Variants in PREX1 observed in about 807,000 individuals in gnomAD.
The protein encoded by PREX1 is phosphatidylinositol 3,4,5-trisphosphate-dependent Rac exchanger 1 protein.
PREX1 carries 41 observed loss-of-function variants against 198.3 expected under a neutral mutation model. The ratio of observed to expected loss-of-function variants is 0.21; its 90% confidence interval spans 0.16 to 0.27. The LOEUF is 0.27. PREX1 is among the 10% of genes least tolerant of loss of function. The pLI is 1.00. For synonymous variants in PREX1, 843 were observed against 887.2 expected (o/e 0.95, Z 0.89); for missense variants, 1,620 against 2,200.7 (o/e 0.74, Z 5.28).
the PREX1 span, among the ~76,000 whole-genome samples, chr20:48,845,702 CAAAAAAAA>C: frequency 2.9e-5 from 3 of 103,036 alleles, no homozygotes; most frequent in East Asian, 3.2e-4. Flanking sequence ...ACCTTGTTTC[CAAAAAAAA>C]AAAAAAAAAA....
chr20:48,634,503 A>G (rs902844024), intron 33 of PREX1, among the ~76,000 whole-genome samples, 173 bp downstream of exon 33: 2 of 152,184 alleles, frequency 1.3e-5, no homozygotes, highest in Admixed American at 6.5e-5. Context: ...TGTGTGCCCC[A>G]AAGTTCGGCT....
intron 1 of PREX1, among the ~76,000 whole-genome samples, chr20:48,763,124 G>A (rs1399705485): frequency 6.6e-5 from 10 of 152,260 alleles, no homozygotes; most frequent in Non-Finnish European, 1.0e-4. Flanking sequence ...ATGGTGGTAC[G>A]TGAATTATAT....
chr20:48,630,231 C>T (rs1436774485), intron 36 of PREX1, among the ~76,000 whole-genome samples: 2 of 152,324 alleles, frequency 1.3e-5, no homozygotes, highest in African/African-American at 4.8e-5. Context: ...AGGCAAGGAG[C>T]CCAAGGAGCC....
chr20:48,802,156 C>T (rs954697397), intron 1 of PREX1, among the ~76,000 whole-genome samples: 1 of 152,120 alleles, frequency 6.6e-6, no homozygotes, highest in African/African-American at 2.4e-5. Flanking sequence ...CCCGCCAAAC[C>T]ATCTACTTTC....
chr20:48,774,761 C>G (rs1203824122), intron 1 of PREX1, among the ~76,000 whole-genome samples: 2 of 152,248 alleles, frequency 1.3e-5, no homozygotes, highest in African/African-American at 4.8e-5. Flanking sequence ...AAACCACTGG[C>G]TGAGGCCACA....
At position 48,681,088 on chromosome 20, in the gene PREX1, T is replaced by A. The variant is rs149540031; in HGVS notation, c.1435+147A>T. Reference sequence around the variant, plus strand: ...CCTAAGAGGCAGTTTTACAAGGGCATCCATGTTCCTGCGGGCCACACTGTG... The same window carrying A: ...CCTAAGAGGCAGTTTTACAAGGGCAACCATGTTCCTGCGGGCCACACTGTG... On this transcript the variant is annotated intron_variant, in intron 11 of 39. Transcript: ENST00000371941. The A allele has an allele frequency of 5.1e-4, 371 of 727,182 alleles. 4 individuals are homozygous for A. The East Asian group carries it at 8.6e-3, about 17-fold the overall frequency. 45.0% of individuals were successfully genotyped at this position (727,182 alleles called of 1,614,324 possible). A position where few individuals can be genotyped will look rare whatever the true frequency, so the allele number is the denominator to read the frequency against.
At chr20:48,633,053 T>C (rs4810846) in intron 33 of PREX1, among the ~76,000 whole-genome samples, 61,948 of 152,010 alleles carry the variant, frequency 0.41, 12,747 homozygotes, top group Middle Eastern at 0.53. Context: ...TCAAACAGGG[T>C]ATACATCTGA....
At chr20:48,776,979 G>T (rs566276696) in intron 1 of PREX1, among the ~76,000 whole-genome samples, 2 of 152,114 alleles carry the variant, frequency 1.3e-5, no homozygotes, top group African/African-American at 4.8e-5. Flanking sequence ...AACACCCTGC[G>T]ATGTGCGAAA....
At chr20:48,721,769 C>T (rs916363706) in intron 5 of PREX1, among the ~76,000 whole-genome samples, 2 of 152,096 alleles carry the variant, frequency 1.3e-5, no homozygotes, top group African/African-American at 2.4e-5. Context: ...CCGCTGGGGC[C>T]GTGGCAGTGT....
In PREX1 at chr20:48,745,098, A is replaced by G. The variant is rs2090101649; in HGVS notation, c.341T>C (p.Leu114Ser). Residue 114 changes from leucine (L) to serine (S), a missense_variant, in exon 3 of 40, where the codon TTG becomes TCG. Leu to Ser is a moderately radical substitution (Grantham distance 145). Transcript: ENST00000371941. Reference sequence around the variant, plus strand: ...GTGTAAACAATACTCCAAGGCGGCCAAGAAATCCTTATGAACTTCCAGGAT... The same window carrying G: ...GTGTAAACAATACTCCAAGGCGGCCGAGAAATCCTTATGAACTTCCAGGAT... ...EDILEVHKDF[L>S]AALEYCLHPE... 5 of 1,614,218 alleles carry G rather than the reference A, an allele frequency of 3.1e-6. No homozygotes were observed. The highest frequency in any genetic ancestry group is 4.2e-6 in the Non-Finnish European group (5 of 1,180,026).
chr20:48,709,693 G>A (rs915384882), intron 5 of PREX1, among the ~76,000 whole-genome samples: 2 of 152,192 alleles, frequency 1.3e-5, no homozygotes, highest in Non-Finnish European at 2.9e-5. Context: ...CATGGTTGTG[G>A]TAAGCAATAA....
chr20:48,670,136 AC>A (rs34804122), intron 14 of PREX1, among the ~76,000 whole-genome samples: 3 of 151,944 alleles, frequency 2.0e-5, no homozygotes, highest in Non-Finnish European at 2.9e-5. Context: ...AGAGCTGGAC[AC>A]CCCCCGCCAC....
At chr20:48,660,983 T>G (rs1289069835) in intron 15 of PREX1, among the ~76,000 whole-genome samples, 3 of 152,238 alleles carry the variant, frequency 2.0e-5, no homozygotes, top group Admixed American at 6.5e-5. Context: ...AAAGTTTTAT[T>G]GGCACACAGC....
intron 5 of PREX1, among the ~76,000 whole-genome samples, chr20:48,723,978 G>C (rs985340106): frequency 6.6e-6 from 1 of 152,198 alleles, no homozygotes; most frequent in South Asian, 2.1e-4. Context: ...ATGGCTGCTG[G>C]TTCTTCTTAT....
chr20:48,753,018 G>A (rs998472927), intron 1 of PREX1, among the ~76,000 whole-genome samples: 1 of 152,026 alleles, frequency 6.6e-6, no homozygotes, highest in African/African-American at 2.4e-5. Flanking sequence ...ATGTTTCCTC[G>A]AGCCCAGGCG....
chr20:48,862,790 A>AAAAAAAAAATATATATATAT, the PREX1 span, among the ~76,000 whole-genome samples: 1 of 102,584 alleles, frequency 9.7e-6, no homozygotes, highest in African/African-American at 4.4e-5. Flanking sequence ...TAAAAAAAAA[A>AAAAAAAAAATATATATATAT]ATATATATAT....
chr20:48,665,823 A>G (rs2089635839), intron 15 of PREX1, among the ~76,000 whole-genome samples: 1 of 152,138 alleles, frequency 6.6e-6, no homozygotes, highest in Admixed American at 6.5e-5. Context: ...CTCCCAATGG[A>G]AAGAAAAGTC....
At chr20:48,645,677 C>T (rs183683576) in intron 26 of PREX1, among the ~76,000 whole-genome samples, 174 bp downstream of exon 26, 41 of 152,286 alleles carry the variant, frequency 2.7e-4, no homozygotes, top group African/African-American at 8.9e-4. Flanking sequence ...CTAAGTGGGT[C>T]TTCCAGGCTC....
Position 48,637,757 on chromosome 20 carries a change from A to C in PREX1, c.3905-5T>G. On this transcript the variant is annotated splice_polypyrimidine_tract_variant and splice_region_variant and intron_variant, in intron 30 of 39. Transcript: ENST00000371941. ...GGAGCAGCTGGTTCTTCCCATCTGG[A>C]AGGAGAAGGGAGACAGAAAGGGGGA... 1 of 1,611,770 alleles carries C rather than the reference A, an allele frequency of 6.2e-7. No individual in the cohort carries two copies. Among genetic ancestry groups the C allele is most frequent in the Non-Finnish European group, 8.5e-7 (1 of 1,179,032 alleles).
Sources: gnomAD v4.1 joint callset for allele counts (sites outside exome capture counted in the v4.1 genomes callset) on GRCh38, gnomAD v4.1.1 for gene constraint, MANE v1.5 for transcripts, NCBI Gene and HGNC (gene_info 2026-07-23, HGNC 2026-07-21) for gene names.